PSMG2: variants seen among roughly 807,000 people sequenced by gnomAD.
The protein encoded by PSMG2 is proteasome assembly chaperone 2.
PSMG2 carries 21 observed loss-of-function variants against 31.5 expected under a neutral mutation model. The ratio of observed to expected loss-of-function variants is 0.67; its 90% CI spans 0.47 to 0.96. PSMG2 has a LOEUF of 0.96. Among genes scored for constraint, PSMG2 ranks in the 40% least tolerant of loss-of-function variants. The pLI, the probability that PSMG2 is intolerant of heterozygous loss-of-function variation, is 0.00. For missense variants in PSMG2, 318 were observed against 321.2 expected, an observed-to-expected ratio of 0.99 and a Z score of 0.08; for synonymous variants, 120 against 110.4, an observed-to-expected ratio of 1.09 and a Z score of -0.54.
At chr18:12,720,835 T>G (rs983870145) in intron 5 of PSMG2, 152 bp downstream of exon 5, 12 of 806,178 alleles carry the variant, frequency 1.5e-5, no homozygotes, top group Non-Finnish European at 2.1e-5. Context: ...CAAAATTAAG[T>G]CAGAGAATGT....
chr18:12,695,577 CTT>C (rs1469675854), intron 1 of PSMG2, among the ~76,000 whole-genome samples: 1 of 151,818 alleles, frequency 6.6e-6, no homozygotes, highest in Non-Finnish European at 1.5e-5. Context: ...TTCTGACACT[CTT>C]TTTCTTCTTT....
chr18:12,687,143 T>TA (rs1218187313), intron 1 of PSMG2, among the ~76,000 whole-genome samples: 2 of 152,188 alleles, frequency 1.3e-5, no homozygotes, highest in African/African-American at 4.8e-5. Flanking sequence ...TGGTTACTGA[T>TA]ACGGCACTGT....
chr18:12,697,409 C>T lies in PSMG2; in HGVS notation c.-36-9141C>T. On this transcript the variant is annotated intron_variant, in intron 1 of 6. Coordinates refer to the PSMG2 transcript ENST00000585331. ...GAATCAGCCATTCTAGTTCCATCAC[C>T]TAGCAATATAATCCAAACGAAATTA... 9 of 1,600,752 alleles carry T rather than the reference C, an allele frequency of 5.6e-6. No individual in the cohort carries two copies. Among genetic ancestry groups the T allele is most frequent in the Non-Finnish European group, 7.7e-6 (9 of 1,172,176 alleles).
chr18:12,720,802 A>T (rs747359837), intron 5 of PSMG2, 119 bp downstream of exon 5: 33 of 984,018 alleles, frequency 3.4e-5, no homozygotes, highest in Admixed American at 1.9e-4. Flanking sequence ...TCTGTCTCAA[A>T]CAAAAAACAA....
chr18:12,706,133 C>T (rs114878790), intron 1 of PSMG2, among the ~76,000 whole-genome samples: 4,487 of 152,256 alleles, frequency 0.029, 236 homozygotes, highest in African/African-American at 0.1. Context: ...TGTTATGATG[C>T]TTTCAGTACT....
At chr18:12,695,246 G>GTATT (rs1156316758) in intron 1 of PSMG2, 1 of 1,298,392 alleles carries the variant, frequency 7.7e-7, no homozygotes, top group South Asian at 1.3e-5. Context: ...AAACTCATAA[G>GTATT]TATTTACCTG....
At chr18:12,684,010 T>C (rs2039450614) in intron 1 of PSMG2, among the ~76,000 whole-genome samples, 1 of 150,468 alleles carries the variant, frequency 6.6e-6, no homozygotes, top group Admixed American at 6.7e-5. Context: ...ATATATCATA[T>C]ATATGATATC....
At chr18:12,673,029 A>C in intron 1 of PSMG2, 1 of 1,014,852 alleles carries the variant, frequency 9.9e-7, no homozygotes, top group South Asian at 4.1e-5. Context: ...TTAGACAAAC[A>C]TCTCTTTGAT....
intron 3 of PSMG2, 44 bp from the exon 4 acceptor site, chr18:12,718,473 C>T (rs2040398919): frequency 7.8e-7 from 1 of 1,279,892 alleles, no homozygotes. Context: ...TGCTCTAAGA[C>T]TAACTTTTAG....
At chr18:12,719,709 T>A (rs1007850577) in intron 4 of PSMG2, among the ~76,000 whole-genome samples, 3 of 149,280 alleles carry the variant, frequency 2.0e-5, no homozygotes, top group Non-Finnish European at 3.0e-5. Flanking sequence ...TTTTTTTTTT[T>A]TTCCTCTTTT....
chr18:12,702,507 G>C, upstream of PSMG2: 1 of 1,610,068 alleles, frequency 6.2e-7, no homozygotes, highest in South Asian at 1.1e-5. Context: ...GCTGGTGGAT[G>C]AGCTGCTTCA....
At chr18:12,719,276 G>GT (rs1316862437) in intron 4 of PSMG2, among the ~76,000 whole-genome samples, 3 of 152,162 alleles carry the variant, frequency 2.0e-5, no homozygotes, top group Non-Finnish European at 4.4e-5. Context: ...GCATGTCAGA[G>GT]TGAGTTCTTA....
chr18:12,673,577 G>A (rs912933116), intron 1 of PSMG2: 6 of 1,264,594 alleles, frequency 4.7e-6, no homozygotes, highest in Non-Finnish European at 3.3e-6. Context: ...AAGTAAATCA[G>A]TATTTAAAAT....
intron 1 of PSMG2, chr18:12,678,202 G>A: frequency 2.5e-6 from 4 of 1,614,166 alleles, no homozygotes; most frequent in Non-Finnish European, 3.4e-6. Flanking sequence ...GAGGTGGAAA[G>A]GGAGGAAGGG....
intron 5 of PSMG2, among the ~76,000 whole-genome samples, chr18:12,721,989 T>C (rs1440862556): frequency 6.6e-6 from 1 of 152,192 alleles, no homozygotes; most frequent in Non-Finnish European, 1.5e-5. Flanking sequence ...GTTCCTCTCT[T>C]GTCCCCCTTG....
intron 1 of PSMG2, among the ~76,000 whole-genome samples, chr18:12,683,874 ATACAT>A (rs1444099437): frequency 2.6e-5 from 4 of 152,050 alleles, no homozygotes; most frequent in Non-Finnish European, 4.4e-5. Flanking sequence ...GAAATAAATG[ATACAT>A]ATACAGCAGA....
At chr18:12,689,762 G>T (rs1342742730) in intron 1 of PSMG2, among the ~76,000 whole-genome samples, 1 of 149,376 alleles carries the variant, frequency 6.7e-6, no homozygotes, top group Non-Finnish European at 1.5e-5. Flanking sequence ...CAGGGAGCCA[G>T]TTTATATATA....
chr18:12,690,101 A>G (rs2039699438), intron 1 of PSMG2, among the ~76,000 whole-genome samples: 1 of 151,982 alleles, frequency 6.6e-6, no homozygotes, highest in Admixed American at 6.6e-5. Context: ...GAAGCCAGTT[A>G]CATTTTGATT....
At position 12,706,649 on chromosome 18, in the gene PSMG2, G is replaced by A. The variant is rs1228913541; in HGVS notation, c.157G>A (p.Val53Met). ...KIGYFYTDCLVPMVGNNPYAT... is the reference protein window; with the variant it reads ...KIGYFYTDCLMPMVGNNPYAT... The stretch of plus-strand genomic sequence containing the variant: ...TGGTTACTTCTATACCGATTGTCTT[G>A]TGCCAATGGTTGGAAACAATCCATA... Residue 53 changes from valine to methionine, a missense_variant, in exon 2 of 7, where the codon GTG becomes ATG. Val to Met is a conservative substitution (Grantham distance 21). Coordinates refer to ENST00000317615, the MANE Select transcript of PSMG2 (RefSeq NM_020232.5). The A allele has an allele frequency of 1.2e-6, 2 of 1,613,912 alleles. No homozygotes were observed. Among genetic ancestry groups the A allele is most frequent in the Non-Finnish European group, 1.7e-6 (2 of 1,179,844 alleles).
Sources: allele counts gnomAD v4.1 joint callset (sites outside exome capture counted in the v4.1 genomes callset), GRCh38; gene constraint gnomAD v4.1.1; transcripts MANE v1.5; gene names NCBI Gene and HGNC (gene_info 2026-07-23, HGNC 2026-07-21).